CSMD1: variants seen among roughly 807,000 people sequenced by gnomAD.
CSMD1 encodes CUB and sushi domain-containing protein 1.
A neutral mutation model predicts 417.5 loss-of-function variants in CSMD1; 213 were observed. That is an observed-to-expected ratio of 0.51 (90% CI 0.46 to 0.57). The LOEUF is 0.57. Ranked by LOEUF, CSMD1 falls within the 20% of genes least tolerant of loss-of-function variation. CSMD1 has a pLI of 0.00. For missense variants in CSMD1, 6,923 were observed against 4,529.7 expected (o/e 1.53, Z -15.17); for synonymous variants, 2,862 against 1,736.8 (o/e 1.65, Z -16.11).
intron 1 of CSMD1, among the ~76,000 whole-genome samples, chr8:4,764,082 T>G (rs943104091): frequency 6.6e-6 from 1 of 152,210 alleles, no homozygotes; most frequent in Non-Finnish European, 1.5e-5. Flanking sequence ...CTGCATCATC[T>G]ATGCAATCTC....
At chr8:4,588,500 G>A (rs1052601879) in intron 2 of CSMD1, among the ~76,000 whole-genome samples, 17 of 151,918 alleles carry the variant, frequency 1.1e-4, no homozygotes, top group Non-Finnish European at 2.4e-4. Context: ...TCCTGTTTAA[G>A]AAACTCTACT....
At chr8:3,263,009 A>G (rs770047059) in intron 26 of CSMD1, among the ~76,000 whole-genome samples, 26 of 152,226 alleles carry the variant, frequency 1.7e-4, no homozygotes, top group Non-Finnish European at 2.9e-4. Flanking sequence ...AAGCTAGGCA[A>G]TAAATCTCCT....
At chr8:3,375,038 A>T (rs570152152) in intron 18 of CSMD1, 1 of 152,318 alleles carries the variant, frequency 6.6e-6, no homozygotes, top group South Asian at 2.1e-4. Context: ...GGAGCTGGTG[A>T]TGATACACCT....
intron 3 of CSMD1, among the ~76,000 whole-genome samples, chr8:4,302,871 T>C (rs1798052390): frequency 6.6e-6 from 1 of 152,198 alleles, no homozygotes; most frequent in East Asian, 1.9e-4. Context: ...ACCAGCAGTT[T>C]AAATGTTGGC....
chr8:2,961,221 T>C lies in CSMD1; in HGVS notation c.9629-7A>G. On this transcript the variant is annotated splice_polypyrimidine_tract_variant and splice_region_variant and intron_variant, in intron 61 of 69. Coordinates refer to ENST00000635120, the MANE Select transcript of CSMD1 (RefSeq NM_033225.6). ...CAGGTGTTATGAGCAGGATCTGAAA[T>C]TTGTGATTTAAAAAGAAAAGAGGGC... is the stretch of plus-strand genomic sequence containing the variant. 2 of 1,579,650 alleles carry C rather than the reference T, an allele frequency of 1.3e-6. No individual in the cohort carries two copies. Among genetic ancestry groups the C allele is most frequent in the East Asian group, 2.3e-5 (1 of 44,140 alleles).
chr8:4,608,631 C>T (rs1405179654), intron 2 of CSMD1, among the ~76,000 whole-genome samples: 1 of 152,182 alleles, frequency 6.6e-6, no homozygotes, highest in African/African-American at 2.4e-5. Flanking sequence ...TAGCAATGCC[C>T]GCCATACATT....
chr8:3,135,169 G>A (rs1818006628), intron 41 of CSMD1, among the ~76,000 whole-genome samples: 1 of 152,142 alleles, frequency 6.6e-6, no homozygotes, highest in Admixed American at 6.5e-5. Context: ...TCCCGCCTTG[G>A]CTTCCCAAAG....
intron 5 of CSMD1, among the ~76,000 whole-genome samples, chr8:3,768,754 T>G (rs892646764): frequency 6.6e-6 from 1 of 152,236 alleles, no homozygotes; most frequent in African/African-American, 2.4e-5. Flanking sequence ...GTATCCCACA[T>G]TATTGACACA....
intron 2 of CSMD1, among the ~76,000 whole-genome samples, chr8:4,628,225 G>A (rs1336036368): frequency 6.6e-6 from 1 of 151,184 alleles, no homozygotes; most frequent in African/African-American, 2.4e-5. Flanking sequence ...TTCTAAAAGT[G>A]CATCTTATAA....
intron 41 of CSMD1, among the ~76,000 whole-genome samples, chr8:3,134,100 A>C (rs772718030): frequency 6.6e-6 from 1 of 152,154 alleles, no homozygotes; most frequent in Non-Finnish European, 1.5e-5. Context: ...TGAACCAGGG[A>C]GTTAGAGGTT....
At chr8:4,816,182 CT>C (rs911147121) in intron 1 of CSMD1, among the ~76,000 whole-genome samples, 1 of 147,334 alleles carries the variant, frequency 6.8e-6, no homozygotes, top group Non-Finnish European at 1.5e-5. Context: ...CTAAATCACA[CT>C]TGTTATTTGC....
intron 3 of CSMD1, among the ~76,000 whole-genome samples, chr8:4,399,407 G>C (rs146825897): frequency 6.6e-6 from 1 of 152,206 alleles, no homozygotes; most frequent in Non-Finnish European, 1.5e-5. Context: ...AAGGGCTAAA[G>C]AGGTTAACGT....
At position 4,038,776 on chromosome 8, in the gene CSMD1, G is replaced by C. The variant is rs573074201; in HGVS notation, c.416-6677C>G. On this transcript the variant is annotated intron_variant, in intron 3 of 69. Coordinates refer to ENST00000635120, the MANE Select transcript of CSMD1 (RefSeq NM_033225.6). Reference sequence around the variant, plus strand: ...ATTTGGTAACGTGAAAGGATTTCTTGAAAGAGCTCTGGGCACAGTTGTTTT... The same window carrying C: ...ATTTGGTAACGTGAAAGGATTTCTTCAAAGAGCTCTGGGCACAGTTGTTTT... 6.6e-5 allele frequency among the ~76,000 whole-genome samples: 10 copies of C among 152,322 alleles called. No homozygotes were observed. In the East Asian group the frequency reaches 1.7e-3, roughly 26 times the overall value.
chr8:4,678,665 T>A (rs1364811542), intron 1 of CSMD1, among the ~76,000 whole-genome samples: 2 of 152,176 alleles, frequency 1.3e-5, no homozygotes, highest in East Asian at 3.9e-4. Context: ...GGGAAATGGA[T>A]ACCTTTCAAC....
At chr8:4,717,864 T>C (rs1808786924) in intron 1 of CSMD1, among the ~76,000 whole-genome samples, 1 of 152,228 alleles carries the variant, frequency 6.6e-6, no homozygotes, top group African/African-American at 2.4e-5. Context: ...GAATATTTAA[T>C]AGCTTTTTAT....
intron 3 of CSMD1, among the ~76,000 whole-genome samples, chr8:4,094,824 T>C (rs1800915140): frequency 6.6e-6 from 1 of 152,132 alleles, no homozygotes; most frequent in Non-Finnish European, 1.5e-5. Flanking sequence ...CAAACGCTTA[T>C]CAAGGAAATA....
intron 2 of CSMD1, among the ~76,000 whole-genome samples, chr8:4,568,099 T>C (rs1486676730): frequency 1.3e-5 from 2 of 152,212 alleles, no homozygotes; most frequent in African/African-American, 2.4e-5. Context: ...AAAAATAAAA[T>C]ACTCATATTC....
chr8:4,909,590 C>T (rs1003442770), intron 1 of CSMD1, among the ~76,000 whole-genome samples: 1 of 152,046 alleles, frequency 6.6e-6, no homozygotes, highest in Admixed American at 6.6e-5. Context: ...AAGGGATATT[C>T]CTGGAATTTT....
At chr8:3,377,582 TC>T (rs1810391175) in intron 18 of CSMD1, among the ~76,000 whole-genome samples, 1 of 152,130 alleles carries the variant, frequency 6.6e-6, no homozygotes, top group Non-Finnish European at 1.5e-5. Context: ...ACTCCGTTTC[TC>T]CTAAATCATT....
Sources: gnomAD v4.1 joint callset for allele counts (sites outside exome capture counted in the v4.1 genomes callset) on GRCh38, gnomAD v4.1.1 for gene constraint, MANE v1.5 for transcripts, NCBI Gene and HGNC (gene_info 2026-07-23, HGNC 2026-07-21) for gene names.